The following TENM3 variants were observed in gnomAD, a reference collection of about 807,000 sequenced individuals.
TENM3 encodes the protein teneurin transmembrane protein 3, also known as teneurin-3.
Under a neutral mutation model 255.1 loss-of-function variants are expected in TENM3, and 63 were observed. The ratio of observed to expected loss-of-function variants is 0.25; its 90% CI spans 0.20 to 0.30. TENM3 has a LOEUF of 0.30. Among genes scored for constraint, TENM3 ranks in the 10% least tolerant of loss-of-function variants. The pLI, the probability that TENM3 is intolerant of heterozygous loss-of-function variation, is 1.00. For missense variants in TENM3, 2,929 were observed against 3,461.1 expected (o/e 0.85, Z 3.86); for synonymous variants, 1,306 against 1,322.3 (o/e 0.99, Z 0.27).
the TENM3 span, among the ~76,000 whole-genome samples, chr4:181,601,092 C>T: frequency 2.6e-5 from 4 of 152,138 alleles, no homozygotes; most frequent in African/African-American, 4.8e-5. Context: ...CGGTGCACAT[C>T]GGCAAGAATT....
chr4:182,540,919 T>C (rs1415636469), intron 3 of TENM3, among the ~76,000 whole-genome samples: 2 of 152,134 alleles, frequency 1.3e-5, no homozygotes, highest in Non-Finnish European at 2.9e-5. Context: ...ATGTGAAACA[T>C]ACATAGATCA....
At chr4:181,581,669 T>C in the TENM3 span, among the ~76,000 whole-genome samples, 5 of 152,006 alleles carry the variant, frequency 3.3e-5, no homozygotes, top group African/African-American at 1.2e-4. Context: ...ATACTATACC[T>C]GTTATTCTGT....
chr4:181,652,824 A>T, the TENM3 span, among the ~76,000 whole-genome samples: 1 of 152,228 alleles, frequency 6.6e-6, no homozygotes, highest in South Asian at 2.1e-4. Flanking sequence ...GTAATGACTA[A>T]TTGCTCAGTT....
intron 11 of TENM3, among the ~76,000 whole-genome samples, chr4:182,686,011 A>AT (rs981514782): frequency 6.6e-6 from 1 of 151,924 alleles, no homozygotes; most frequent in Non-Finnish European, 1.5e-5. Context: ...TTTAGACGGA[A>AT]TTTTTTTCAT....
the TENM3 span, among the ~76,000 whole-genome samples, chr4:182,049,980 AT>A: frequency 5.2e-5 from 7 of 135,798 alleles, no homozygotes; most frequent in African/African-American, 1.2e-4. Context: ...AAAAATATGT[AT>A]TTTTTTTAAT....
chr4:181,755,030 A>G, the TENM3 span, among the ~76,000 whole-genome samples: 4 of 152,092 alleles, frequency 2.6e-5, no homozygotes, highest in Admixed American at 6.6e-5. Flanking sequence ...AACTCTTGCT[A>G]GTTTCTCCTG....
At chr4:181,819,685 A>C in the TENM3 span, among the ~76,000 whole-genome samples, 10 of 152,188 alleles carry the variant, frequency 6.6e-5, no homozygotes, top group Non-Finnish European at 1.5e-4. Flanking sequence ...CATAAGGAGC[A>C]CTTGACCTTA....
At chr4:181,756,663 C>T in the TENM3 span, among the ~76,000 whole-genome samples, 1 of 152,228 alleles carries the variant, frequency 6.6e-6, no homozygotes, top group Non-Finnish European at 1.5e-5. Context: ...AGCAGTGCAA[C>T]TGTCAAAACT....
intron 18 of TENM3, among the ~76,000 whole-genome samples, chr4:182,741,690 A>G (rs1487523183): frequency 6.6e-6 from 1 of 152,234 alleles, no homozygotes; most frequent in African/African-American, 2.4e-5. Flanking sequence ...TCAAGGCAAA[A>G]TGCATTTCAC....
chr4:182,387,085 T>C (rs1267619392), intron 3 of TENM3, among the ~76,000 whole-genome samples: 2 of 152,120 alleles, frequency 1.3e-5, no homozygotes, highest in African/African-American at 4.8e-5. Flanking sequence ...CAGCACCCTG[T>C]GTTTAGCTCA....
At chr4:182,486,805 C>CCT (rs1265403810) in intron 3 of TENM3, among the ~76,000 whole-genome samples, 2 of 152,048 alleles carry the variant, frequency 1.3e-5, no homozygotes, top group African/African-American at 4.8e-5. Flanking sequence ...TATAGATAAC[C>CCT]CTCAATATAC....
chr4:181,601,931 T>C, the TENM3 span, among the ~76,000 whole-genome samples: 1 of 152,158 alleles, frequency 6.6e-6, no homozygotes, highest in Non-Finnish European at 1.5e-5. Flanking sequence ...CAGCTGCATA[T>C]CACCTCTTCT....
intron 3 of TENM3, among the ~76,000 whole-genome samples, chr4:182,571,371 C>A (rs1260664584): frequency 6.6e-6 from 1 of 151,998 alleles, no homozygotes; most frequent in African/African-American, 2.4e-5. Flanking sequence ...TCAAAAAAAA[C>A]AAAAATTAGC....
the TENM3 span, among the ~76,000 whole-genome samples, chr4:182,057,399 T>A: frequency 6.7e-6 from 1 of 148,666 alleles, no homozygotes. Flanking sequence ...CTTTTTTTTC[T>A]TTTCTTTTCT....
chr4:182,329,917 T>C (rs1763643064), intron 2 of TENM3, among the ~76,000 whole-genome samples: 1 of 152,110 alleles, frequency 6.6e-6, no homozygotes. Flanking sequence ...GAAAAATTCT[T>C]TAACTTCAAG....
chr4:182,071,413 G>C, the TENM3 span, among the ~76,000 whole-genome samples: 16 of 151,024 alleles, frequency 1.1e-4, 1 homozygote, highest in East Asian at 1.9e-3. Context: ...CCATTATTTA[G>C]ACTTAAATCA....
chr4:181,906,381 T>TCCAACAAACTG, the TENM3 span: 2 of 209,504 alleles, frequency 9.5e-6, no homozygotes, highest in African/African-American at 2.3e-5. Flanking sequence ...CCCGAAGGTT[T>TCCAACAAACTG]CCAACAAACT....
At chr4:181,508,854 T>A in the TENM3 span, among the ~76,000 whole-genome samples, 93 of 151,298 alleles carry the variant, frequency 6.1e-4, 1 homozygote, top group East Asian at 7.8e-4. Flanking sequence ...CAAAAGCACT[T>A]CTGACATCAA....
chr4:182,067,470 A>G, the TENM3 span, among the ~76,000 whole-genome samples: 1 of 152,190 alleles, frequency 6.6e-6, no homozygotes, highest in Admixed American at 6.5e-5. Flanking sequence ...GGCCAAAATA[A>G]AAAGGTAATA....
Sources: allele counts gnomAD v4.1 joint callset (sites outside exome capture counted in the v4.1 genomes callset), GRCh38; gene constraint gnomAD v4.1.1; transcripts MANE v1.5; gene names NCBI Gene and HGNC (gene_info 2026-07-23, HGNC 2026-07-21).